DENND2B: variants seen among roughly 807,000 people sequenced by gnomAD.
DENND2B encodes the protein DENN domain containing 2B.
DENND2B carries 32 observed loss-of-function variants against 116.0 expected under a neutral mutation model. The ratio of observed to expected loss-of-function variants is 0.28; its 90% CI spans 0.21 to 0.37. The LOEUF is 0.37. Among genes scored for constraint, DENND2B ranks in the 10% least tolerant of loss-of-function variants. The pLI, the probability that DENND2B is intolerant of heterozygous loss-of-function variation, is 1.00. For missense variants in DENND2B, 1,276 were observed against 1,477.7 expected, an observed-to-expected ratio of 0.86 and a Z score of 2.24; for synonymous variants, 588 against 583.9, an observed-to-expected ratio of 1.01 and a Z score of -0.10.
At chr11:8,869,946 A>G (rs954375335) in intron 2 of DENND2B, among the ~76,000 whole-genome samples, 10 of 150,716 alleles carry the variant, frequency 6.6e-5, no homozygotes, top group Admixed American at 6.0e-4. Context: ...AAAAAAATCA[A>G]TTAAGGGATT....
Position 8,731,145 on chromosome 11 carries a change from C to A in DENND2B, c.145G>T (p.Asp49Tyr). 1 of 1,575,970 alleles carries A rather than the reference C, an allele frequency of 6.3e-7. No individual in the cohort carries two copies. The highest frequency in any genetic ancestry group is 1.2e-5 in the South Asian group (1 of 83,820). Residue 49 changes from aspartate to tyrosine, a missense_variant, in exon 3 of 20, where the codon GAT (aspartate) becomes TAT (tyrosine). Physicochemically the swap from Asp to Tyr is radical, Grantham distance 160. Coordinates refer to ENST00000313726, the MANE Select transcript of DENND2B (RefSeq NM_213618.2). ...PPRSPIYPLSDSETSACRYPS... is the reference protein window; with the variant it reads ...PPRSPIYPLSYSETSACRYPS... ...TACCTGCAGGCTGAGGTTTCACTAT[C>A]ACTGAGCGGGTAGATGGGACTCCTT...
chr11:8,784,139 C>T (rs1328593599), intron 1 of DENND2B: 2 of 151,766 alleles, frequency 1.3e-5, no homozygotes, highest in Admixed American at 1.3e-4. Flanking sequence ...GGAGACTTTT[C>T]AGATCCCATC....
chr11:8,878,122 A>T (rs946390000), intron 2 of DENND2B, among the ~76,000 whole-genome samples: 9 of 152,246 alleles, frequency 5.9e-5, no homozygotes, highest in East Asian at 5.8e-4. Flanking sequence ...TGCCTAAGCC[A>T]TGAAAATGAG....
intron 3 of DENND2B, among the ~76,000 whole-genome samples, chr11:8,850,047 A>G (rs974993870): frequency 2.0e-5 from 3 of 152,104 alleles, no homozygotes; most frequent in African/African-American, 7.2e-5. Context: ...AGGTGGGAGG[A>G]TCACTTGAGC....
At chr11:8,893,619 C>T (rs1166515427) in intron 1 of DENND2B, among the ~76,000 whole-genome samples, 1 of 152,046 alleles carries the variant, frequency 6.6e-6, no homozygotes, top group East Asian at 1.9e-4. Context: ...AAACAGAGAG[C>T]CAAATCATGA....
At chr11:8,806,856 A>C (rs1297971562) in intron 1 of DENND2B, among the ~76,000 whole-genome samples, 1 of 151,682 alleles carries the variant, frequency 6.6e-6, no homozygotes, top group East Asian at 1.9e-4. Flanking sequence ...ACACTAATGC[A>C]AGTTTTCCCA....
chr11:8,851,048 T>C (rs2062987746), intron 3 of DENND2B, among the ~76,000 whole-genome samples: 1 of 152,162 alleles, frequency 6.6e-6, no homozygotes, highest in Non-Finnish European at 1.5e-5. Flanking sequence ...TGGGGTGATG[T>C]TGGTCAAAGA....
chr11:8,825,477 G>A (rs2061942840), intron 4 of DENND2B, among the ~76,000 whole-genome samples: 1 of 151,860 alleles, frequency 6.6e-6, no homozygotes, highest in Non-Finnish European at 1.5e-5. Context: ...CTAGTATTCT[G>A]TTAAGGATTT....
intron 4 of DENND2B, among the ~76,000 whole-genome samples, chr11:8,822,529 G>A (rs1055015396): frequency 1.3e-5 from 2 of 152,236 alleles, no homozygotes; most frequent in African/African-American, 4.8e-5. Flanking sequence ...GCAACCTTCC[G>A]CTTTGACCTC....
intron 1 of DENND2B, among the ~76,000 whole-genome samples, chr11:8,768,070 C>T (rs1055084163): frequency 6.6e-6 from 1 of 151,888 alleles, no homozygotes; most frequent in Non-Finnish European, 1.5e-5. Context: ...AGAGGCCTCT[C>T]GGTGAGAAAG....
intron 1 of DENND2B, among the ~76,000 whole-genome samples, chr11:8,758,310 A>G (rs890838385): frequency 8.5e-5 from 13 of 152,148 alleles, no homozygotes; most frequent in Non-Finnish European, 1.5e-4. Context: ...TCCACCACAC[A>G]GAGAACCACT....
chr11:8,851,725 G>GT (rs1340324421), intron 3 of DENND2B, among the ~76,000 whole-genome samples: 25 of 95,840 alleles, frequency 2.6e-4, no homozygotes, highest in Non-Finnish European at 6.2e-4. Context: ...TAAATACATA[G>GT]GGGGGGACAA....
At chr11:8,906,508 T>TTAA (rs1566095956) in intron 1 of DENND2B, among the ~76,000 whole-genome samples, 3,225 of 67,458 alleles carry the variant, frequency 0.048, 106 homozygotes, top group East Asian at 0.24. Flanking sequence ...CAAGAAGTCT[T>TTAA]CAAAAAAAAA....
rs1197870065 is a variant in DENND2B, at chr11:8,707,110, G to A, written c.2546C>T (p.Thr849Ile). The change falls in exon 13 of 20, where the codon ACA (threonine) becomes ATA (isoleucine). Residue 849 changes from threonine to isoleucine, a missense_variant. Around this residue, in one of 2 missense-constraint regions of DENND2B, gnomAD observed 420 missense variants for 631.1 expected, o/e 0.67. Coordinates refer to ENST00000313726, the MANE Select transcript of DENND2B (RefSeq NM_213618.2). The surrounding 1 kb of genome is among the most constrained non-coding windows in gnomAD (Gnocchi z 4.8). ...CTCATTGCCAGCACCTGGCAGGAAT[G>A]TCTTCACTTTGATGGTCTTCCCTGG... ...PAPGKTIKVK[T>I]FLPGAGNEVL... is the part of the protein sequence containing the mutation. The A allele has an allele frequency of 1.9e-6, 3 of 1,613,406 alleles. No homozygotes were observed. The highest frequency in any genetic ancestry group is 2.5e-6 in the Non-Finnish European group (3 of 1,179,728).
intron 2 of DENND2B, among the ~76,000 whole-genome samples, chr11:8,869,682 A>T (rs978303795): frequency 2.0e-5 from 3 of 152,016 alleles, no homozygotes; most frequent in Admixed American, 1.3e-4. Flanking sequence ...AAAATTTTTT[A>T]AATAAAAAAT....
At chr11:8,699,832 C>G (rs985334137) in intron 14 of DENND2B, 2 of 456,648 alleles carry the variant, frequency 4.4e-6, no homozygotes, top group East Asian at 6.9e-5. Context: ...ACATCAGCAA[C>G]GGATCATGAG....
intron 2 of DENND2B, among the ~76,000 whole-genome samples, chr11:8,863,244 T>C (rs1224866256): frequency 6.7e-6 from 1 of 149,272 alleles, no homozygotes; most frequent in Admixed American, 6.9e-5. Flanking sequence ...CCCATGACTC[T>C]TAACGCCACT....
At chr11:8,837,647 T>A (rs1343579345) in intron 4 of DENND2B, among the ~76,000 whole-genome samples, 2 of 152,084 alleles carry the variant, frequency 1.3e-5, no homozygotes, top group Admixed American at 1.3e-4. Flanking sequence ...CATCCAGCCG[T>A]TTCCCTTTAT....
At chr11:8,793,368 CCTCTA>C (rs1411061242) in intron 1 of DENND2B, among the ~76,000 whole-genome samples, 3 of 152,158 alleles carry the variant, frequency 2.0e-5, no homozygotes, top group African/African-American at 4.8e-5. Flanking sequence ...TCCTGGTTTA[CCTCTA>C]ATCTATTTTC....
Sources: gnomAD v4.1 joint callset for allele counts (sites outside exome capture counted in the v4.1 genomes callset) on GRCh38, gnomAD v4.1.1 for gene constraint, gnomAD v4.1.1 regional missense constraint, Gnocchi (gnomAD v3.1) non-coding constraint, MANE v1.5 for transcripts, NCBI Gene and HGNC (gene_info 2026-07-23, HGNC 2026-07-21) for gene names.